The following PTPRO variants were observed in gnomAD, a reference collection of about 807,000 sequenced individuals.
The protein encoded by PTPRO is receptor-type tyrosine-protein phosphatase O.
Under a neutral mutation model 145.2 loss-of-function variants are expected in PTPRO, and 62 were observed. That is an observed-to-expected ratio of 0.43 (90% CI 0.35 to 0.53). The LOEUF is 0.53. Among genes scored for constraint, PTPRO ranks in the 20% least tolerant of loss-of-function variants. The pLI, the probability that PTPRO is intolerant of heterozygous loss-of-function variation, is 0.01. For synonymous variants in PTPRO, 565 were observed against 514.7 expected (o/e 1.10, Z -1.32); for missense variants, 1,345 against 1,482.7 (o/e 0.91, Z 1.53).
intron 2 of PTPRO, among the ~76,000 whole-genome samples, chr12:15,496,323 G>GAAACCC (rs1254273181): frequency 1.3e-5 from 2 of 151,624 alleles, no homozygotes; most frequent in African/African-American, 2.4e-5. Context: ...TCTATTTTTA[G>GAAACCC]TAGAGACAGG....
chr12:15,513,202 A>G lies in PTPRO; in HGVS notation c.1465-2296A>G, dbSNP rs1367857012. Among the ~76,000 whole-genome samples the G allele has an allele frequency of 1.3e-3, 160 of 120,174 alleles. 9 individuals are homozygous for G. The highest frequency in any genetic ancestry group is 5.4e-3 in the African/African-American group (140 of 26,062). 78.8% of individuals were successfully genotyped at this position (120,174 alleles called of 152,430 possible). A position where few individuals can be genotyped will look rare whatever the true frequency, so the allele number is the denominator to read the frequency against. On this transcript the variant is annotated intron_variant, in intron 7 of 26. Coordinates refer to ENST00000281171, the MANE Select transcript of PTPRO (RefSeq NM_030667.3). ...GAAAGAAAGAAAGAAAGAAAGAAAG[A>G]AAGAAAGAAAGAAAGAAAGAAAGAA...
intron 10 of PTPRO, 31 bp downstream of exon 10, chr12:15,520,343 G>A: frequency 6.6e-7 from 1 of 1,503,954 alleles, no homozygotes. Context: ...AGTTCCACAA[G>A]GAGAGAGCAT....
chr12:15,401,882 T>C (rs1435132256), intron 1 of PTPRO, among the ~76,000 whole-genome samples: 2 of 152,220 alleles, frequency 1.3e-5, no homozygotes, highest in East Asian at 3.8e-4. Context: ...ATAAATTGCA[T>C]CTCATCATTT....
chr12:15,456,470 C>T (rs1379876194), intron 1 of PTPRO, among the ~76,000 whole-genome samples: 1 of 152,026 alleles, frequency 6.6e-6, no homozygotes, highest in Non-Finnish European at 1.5e-5. Context: ...GGTATCAGAG[C>T]CAAGGTATTT....
At chr12:15,550,050 GAAT>G (rs1943412831) in intron 14 of PTPRO, among the ~76,000 whole-genome samples, 1 of 152,052 alleles carries the variant, frequency 6.6e-6, no homozygotes, top group Non-Finnish European at 1.5e-5. Flanking sequence ...AGTTGACGAT[GAAT>G]AATGAGAGAC....
At chr12:15,448,663 C>G (rs971521704) in intron 1 of PTPRO, among the ~76,000 whole-genome samples, 1 of 152,102 alleles carries the variant, frequency 6.6e-6, no homozygotes, top group African/African-American at 2.4e-5. Context: ...ATCCAGCAAT[C>G]TTTTATCTGG....
intron 9 of PTPRO, among the ~76,000 whole-genome samples, chr12:15,519,407 CT>C (rs1272510919): frequency 1.3e-5 from 2 of 152,056 alleles, no homozygotes; most frequent in African/African-American, 4.8e-5. Context: ...ATTGTTTTTG[CT>C]TTTAGGTTTT....
At chr12:15,461,439 A>G (rs573602756) in intron 1 of PTPRO, among the ~76,000 whole-genome samples, 3 of 152,220 alleles carry the variant, frequency 2.0e-5, no homozygotes, top group South Asian at 2.1e-4. Flanking sequence ...GTCACAGGCC[A>G]TGGTCACTCA....
At chr12:15,591,985 G>A (rs1944563627) in intron 25 of PTPRO, among the ~76,000 whole-genome samples, 1 of 152,130 alleles carries the variant, frequency 6.6e-6, no homozygotes. Flanking sequence ...GGGGGCAGAG[G>A]TTCCCCGGGT....
In PTPRO at chr12:15,598,002, A is replaced by G. The variant is rs1474792536; in HGVS notation, c.*1929A>G. 6.6e-6 allele frequency among the ~76,000 whole-genome samples: 1 copy of G among 152,242 alleles called. No individual in the cohort carries two copies. The highest frequency in any genetic ancestry group is 1.9e-4 in the East Asian group (1 of 5,198). The stretch of plus-strand genomic sequence containing the variant: ...TCCAACACTGCTGCTCAGAGCATAC[A>G]GAAGTTTTGCATCCTGGAACATTGC... On this transcript the variant is annotated 3_prime_UTR_variant, in exon 27 of 27. Coordinates refer to ENST00000281171, the MANE Select transcript of PTPRO (RefSeq NM_030667.3).
intron 1 of PTPRO, among the ~76,000 whole-genome samples, chr12:15,473,895 T>G (rs993723006): frequency 3.3e-5 from 5 of 152,012 alleles, no homozygotes; most frequent in Non-Finnish European, 7.4e-5. Flanking sequence ...CATTTTATGC[T>G]CACAAAAATT....
chr12:15,534,405 C>G (rs1033973011), intron 12 of PTPRO, among the ~76,000 whole-genome samples: 7 of 152,118 alleles, frequency 4.6e-5, no homozygotes, highest in Admixed American at 4.6e-4. Flanking sequence ...ATATTAAGAA[C>G]CTTCTAAGTA....
At position 15,526,132 on chromosome 12, in the gene PTPRO, G is replaced by T. The variant is rs760180239; in HGVS notation, c.2044-10G>T. ...AAAAGTTTAAACCCTTGATTTTGAT[G>T]ATCTTGCAGGTAACACGCAATGTCA... On this transcript the variant is annotated splice_polypyrimidine_tract_variant and intron_variant, in intron 11 of 26. Transcript: ENST00000281171. The T allele has an allele frequency of 2.5e-6, 4 of 1,613,876 alleles. No homozygotes were observed. The highest frequency in any genetic ancestry group is 3.4e-6 in the Non-Finnish European group (4 of 1,179,882).
chr12:15,428,326 CA>C (rs1433477440), intron 1 of PTPRO, among the ~76,000 whole-genome samples: 1 of 152,098 alleles, frequency 6.6e-6, no homozygotes, highest in Non-Finnish European at 1.5e-5. Flanking sequence ...TGTCTGTTCA[CA>C]ATTGTCTGCA....
At chr12:15,539,439 A>G (rs1943133311) in intron 12 of PTPRO, among the ~76,000 whole-genome samples, 2 of 152,168 alleles carry the variant, frequency 1.3e-5, no homozygotes, top group Admixed American at 1.3e-4. Context: ...AGAAGAAGAT[A>G]TTATACTTGC....
At chr12:15,586,857 C>T in intron 23 of PTPRO, 40 bp from the exon 24 acceptor site, 1 of 1,613,066 alleles carries the variant, frequency 6.2e-7, no homozygotes, top group South Asian at 1.1e-5. Context: ...TAACAGTGAA[C>T]TGAAAAATTA....
chr12:15,392,046 G>T (rs1939202972), intron 1 of PTPRO, among the ~76,000 whole-genome samples: 1 of 152,044 alleles, frequency 6.6e-6, no homozygotes, highest in South Asian at 2.1e-4. Context: ...AATTATTCTG[G>T]TTCTAAATGA....
At chr12:15,525,216 T>A (rs1186616123) in intron 11 of PTPRO, among the ~76,000 whole-genome samples, 2 of 152,198 alleles carry the variant, frequency 1.3e-5, no homozygotes, top group Non-Finnish European at 2.9e-5. Context: ...GATTTGAGCT[T>A]TTTCTTCAGG....
chr12:15,413,940 A>G (rs1164314935), intron 1 of PTPRO, among the ~76,000 whole-genome samples: 5 of 152,240 alleles, frequency 3.3e-5, no homozygotes, highest in Admixed American at 3.3e-4. Context: ...CTGATTTAGG[A>G]ACCAGTAATA....
Sources: allele counts gnomAD v4.1 joint callset (sites outside exome capture counted in the v4.1 genomes callset), GRCh38; gene constraint gnomAD v4.1.1; transcripts MANE v1.5; gene names NCBI Gene and HGNC (gene_info 2026-07-23, HGNC 2026-07-21).